Variants in PCDHGA7 observed in about 807,000 individuals in gnomAD.
PCDHGA7 encodes the protein protocadherin gamma subfamily A, 7.
A neutral mutation model predicts 58.3 loss-of-function variants in PCDHGA7; 44 were observed. The ratio of observed to expected loss-of-function variants is 0.75; its 90% CI spans 0.59 to 0.97. The LOEUF is 0.97. Ranked by LOEUF, PCDHGA7 falls within the 50% of genes least tolerant of loss-of-function variation. The pLI is 0.00. For synonymous variants in PCDHGA7, 516 were observed against 504.2 expected (o/e 1.02, Z -0.31); for missense variants, 1,266 against 1,188.7 (o/e 1.06, Z -0.96).
At chr5:141,403,131 C>A (rs1377543238) in intron 1 of PCDHGA7, 2 of 1,613,916 alleles carry the variant, frequency 1.2e-6, no homozygotes, top group East Asian at 4.5e-5. Context: ...CGGGAGCTGG[C>A]GGAGCGCCGA....
chr5:141,385,442 G>T, intron 1 of PCDHGA7, 119 bp downstream of exon 1: 1 of 1,450,070 alleles, frequency 6.9e-7, no homozygotes, highest in Non-Finnish European at 9.1e-7. Context: ...AGGTAAAAAT[G>T]AGTTTACCAG....
At chr5:141,474,847 GC>G (rs1357496937) in intron 1 of PCDHGA7, among the ~76,000 whole-genome samples, 1 of 152,198 alleles carries the variant, frequency 6.6e-6, no homozygotes, top group East Asian at 1.9e-4. Context: ...CACTTTACCT[GC>G]CTTCTTCATT....
chr5:141,419,435 C>T, intron 1 of PCDHGA7: 1 of 1,613,226 alleles, frequency 6.2e-7, no homozygotes, highest in Non-Finnish European at 8.5e-7. Context: ...CGAGCAGCTG[C>T]GCACCTTCGA....
Position 141,423,519 on chromosome 5 carries a change from G to A in PCDHGA7, c.2424+38196G>A, listed in dbSNP as rs758742300. On this transcript the variant is annotated intron_variant, in intron 1 of 3. Coordinates refer to ENST00000518325, the MANE Select transcript of PCDHGA7 (RefSeq NM_018920.4). ...ACGAGGTCTCTCTCATTGCGGACTC[G>A]CAGAAGAGTCACCTGATTTTCCCCC... 8.1e-6 allele frequency: 13 copies of A among 1,613,752 alleles called. 1 individual carries two copies. In the South Asian group the frequency reaches 1.1e-4, roughly 14 times the overall value.
intron 2 of PCDHGA7, among the ~76,000 whole-genome samples, chr5:141,503,458 G>A (rs948221006): frequency 2.0e-5 from 3 of 152,018 alleles, no homozygotes; most frequent in Non-Finnish European, 4.4e-5. Flanking sequence ...CGCTGGGCAT[G>A]GTGGCATGTG....
chr5:141,510,916 G>C (rs1044988697), intron 3 of PCDHGA7, 31 bp from the exon 4 acceptor site: 2 of 1,613,714 alleles, frequency 1.2e-6, no homozygotes, highest in African/African-American at 1.3e-5. Flanking sequence ...CCTAAGTTTA[G>C]CTCCCACCTG....
intron 1 of PCDHGA7, chr5:141,411,226 C>G (rs781690096): frequency 6.6e-6 from 1 of 151,996 alleles, no homozygotes; most frequent in South Asian, 2.1e-4. Flanking sequence ...TTCAAATTTG[C>G]GAAGACTTAG....
intron 1 of PCDHGA7, chr5:141,394,908 G>A (rs763489153): frequency 3.1e-6 from 5 of 1,613,652 alleles, no homozygotes; most frequent in East Asian, 2.2e-5. Flanking sequence ...GGCAGTGGCT[G>A]CCATCTCCTG....
At chr5:141,409,464 C>A in intron 1 of PCDHGA7, 1 of 1,613,940 alleles carries the variant, frequency 6.2e-7, no homozygotes, top group South Asian at 1.1e-5. Context: ...TACAATGTCA[C>A]CATCGTAGCC....
At chr5:141,443,029 C>T (rs1281303741) in intron 1 of PCDHGA7, among the ~76,000 whole-genome samples, 3 of 152,192 alleles carry the variant, frequency 2.0e-5, no homozygotes, top group Non-Finnish European at 2.9e-5. Flanking sequence ...AGTTGCCAGA[C>T]CTAAACTTTG....
Position 141,418,176 on chromosome 5 carries a change from T to G in PCDHGA7, c.2424+32853T>G, listed in dbSNP as rs1197334192. 1 of 1,614,078 alleles carries G rather than the reference T, an allele frequency of 6.2e-7. No individual in the cohort carries two copies. Among genetic ancestry groups the G allele is most frequent in the Non-Finnish European group, 8.5e-7 (1 of 1,179,908 alleles). On this transcript the variant is annotated intron_variant, in intron 1 of 3. Coordinates refer to ENST00000518325, the MANE Select transcript of PCDHGA7 (RefSeq NM_018920.4). ...GAGAGAAGAAGATGTGAGTTGCAAT[T>G]GGAAGCTGTGGTGGAAAATCCTTTA...
chr5:141,394,891 TCGTGGTGGCAGTGG>T (rs1346277751), intron 1 of PCDHGA7: 11 of 1,613,892 alleles, frequency 6.8e-6, no homozygotes, highest in Non-Finnish European at 9.3e-6. Flanking sequence ...ACACTCTATC[TCGTGGTGGCAGTGG>T]CTGCCATCTC....
rs200545713 is a variant in PCDHGA7 at position 141,422,296 on chromosome 5, A to G, written c.2424+36973A>G. 133 of 1,550,704 alleles carry G rather than the reference A, an allele frequency of 8.6e-5. 1 individual carries two copies. The Admixed American group carries it at 2.1e-3, about 25-fold the overall frequency. ...AACTATCACCTCTTCTATTAATTCAATTCTGGAAAACTCTCCTCCAGGTAC... is the reference window on the plus strand; with the variant it reads ...AACTATCACCTCTTCTATTAATTCAGTTCTGGAAAACTCTCCTCCAGGTAC... On this transcript the variant is annotated intron_variant, in intron 1 of 3. Transcript: ENST00000518325.
At chr5:141,404,170 G>T in intron 1 of PCDHGA7, 1 of 1,612,740 alleles carries the variant, frequency 6.2e-7, no homozygotes, top group Non-Finnish European at 8.5e-7. Flanking sequence ...GATTGTTGAC[G>T]GCCCAAATTC....
chr5:141,460,951 GTA>G (rs200454978), intron 1 of PCDHGA7, among the ~76,000 whole-genome samples: 208 of 139,744 alleles, frequency 1.5e-3, no homozygotes, highest in South Asian at 4.3e-3. Flanking sequence ...TATGTATTAT[GTA>G]TATATATATG....
intron 2 of PCDHGA7, among the ~76,000 whole-genome samples, chr5:141,497,984 C>G (rs2099780951): frequency 6.6e-6 from 1 of 152,194 alleles, no homozygotes; most frequent in South Asian, 2.1e-4. Flanking sequence ...TGGGAGGCCC[C>G]TGCCCTCAAG....
intron 1 of PCDHGA7, among the ~76,000 whole-genome samples, chr5:141,450,639 A>T (rs1390959433): frequency 6.6e-6 from 1 of 151,390 alleles, no homozygotes; most frequent in Non-Finnish European, 1.5e-5. Flanking sequence ...GATGCCTGCC[A>T]CCATGCCTGG....
At chr5:141,505,616 C>T in intron 3 of PCDHGA7, 135 bp downstream of exon 3, 2 of 1,503,162 alleles carry the variant, frequency 1.3e-6, no homozygotes, top group South Asian at 1.3e-5. Flanking sequence ...CTGAAAGGAC[C>T]CACAATTCCA....
intron 1 of PCDHGA7, among the ~76,000 whole-genome samples, chr5:141,459,532 TA>T (rs1031834752): frequency 6.6e-5 from 10 of 152,354 alleles, no homozygotes; most frequent in East Asian, 3.9e-4. Context: ...TTTGTAGGCA[TA>T]TTTTTTTTAT....
Sources: allele counts gnomAD v4.1 joint callset (sites outside exome capture counted in the v4.1 genomes callset), GRCh38; gene constraint gnomAD v4.1.1; transcripts MANE v1.5; gene names NCBI Gene and HGNC (gene_info 2026-07-23, HGNC 2026-07-21).